The following TOGARAM2 variants were observed in gnomAD, a reference collection of about 807,000 sequenced individuals.
TOGARAM2 encodes TOG array regulator of axonemal microtubules protein 2.
TOGARAM2 carries 85 observed loss-of-function variants against 93.3 expected under a neutral mutation model. The ratio of observed to expected loss-of-function variants is 0.91; its 90% confidence interval spans 0.76 to 1.09. TOGARAM2 has a LOEUF of 1.09. Ranked by LOEUF, TOGARAM2 falls within the 50% of genes least tolerant of loss-of-function variation. The probability of loss-of-function intolerance (pLI) is 0.00; values close to 1 mark genes in which losing one functional copy is unlikely to be tolerated. For synonymous variants in TOGARAM2, 593 were observed against 552.8 expected (o/e 1.07, Z -1.02); for missense variants, 1,277 against 1,334.5 (o/e 0.96, Z 0.67).
chr2:29,045,253 G>A, intron 18 of TOGARAM2, 71 bp from the exon 19 acceptor site: 7 of 1,253,830 alleles, frequency 5.6e-6, no homozygotes, highest in Non-Finnish European at 8.0e-6. Flanking sequence ...TGGGTATGTG[G>A]CCCTGCAAAC....
chr2:29,022,007 C>T (rs1016974444), intron 10 of TOGARAM2, 151 bp from the exon 11 acceptor site: 5 of 1,001,184 alleles, frequency 5.0e-6, no homozygotes, highest in Non-Finnish European at 4.5e-6. Flanking sequence ...GGTTCTTAGC[C>T]TCACCAGGCA....
At chr2:28,961,222 C>A (rs1459501290) in intron 1 of TOGARAM2, among the ~76,000 whole-genome samples, 1 of 152,024 alleles carries the variant, frequency 6.6e-6, no homozygotes, top group Non-Finnish European at 1.5e-5. Context: ...TGCTTGGAGG[C>A]TTGGGTAGAA....
intron 1 of TOGARAM2, among the ~76,000 whole-genome samples, chr2:28,990,100 T>C (rs1312489532): frequency 6.6e-6 from 1 of 152,098 alleles, no homozygotes; most frequent in East Asian, 1.9e-4. Context: ...GTGAGATGTA[T>C]GTGTATGGTG....
intron 18 of TOGARAM2, among the ~76,000 whole-genome samples, chr2:29,037,777 T>C (rs1018573919): frequency 5.9e-5 from 9 of 152,226 alleles, no homozygotes; most frequent in African/African-American, 1.9e-4. Context: ...TTTGCTGAGT[T>C]TGTTGCTGTA....
At chr2:28,989,696 T>C (rs987844780) in intron 1 of TOGARAM2, among the ~76,000 whole-genome samples, 1 of 152,168 alleles carries the variant, frequency 6.6e-6, no homozygotes, top group African/African-American at 2.4e-5. Flanking sequence ...TGAGCCACCA[T>C]GCCCAGCCAA....
intron 6 of TOGARAM2, among the ~76,000 whole-genome samples, chr2:29,008,610 C>T (rs1664030509): frequency 1.3e-5 from 2 of 152,304 alleles, no homozygotes; most frequent in South Asian, 2.1e-4. Flanking sequence ...ACATGCACCA[C>T]CAGGCCCGGC....
At position 29,026,344 on chromosome 2, in the gene TOGARAM2, A is replaced by T. The variant is rs115059719; in HGVS notation, c.1854-509A>T. 3.7e-3 allele frequency among the ~76,000 whole-genome samples: 558 copies of T among 152,260 alleles called. 2 individuals carry two copies. Among genetic ancestry groups the T allele is most frequent in the African/African-American group, 0.013 (534 of 41,536 alleles). ...TGGAGTTACTTCCTAGTCAAGGGAGACAGATAACCTGGTCCCCGCCCACAG... is the reference window on the plus strand; with the variant it reads ...TGGAGTTACTTCCTAGTCAAGGGAGTCAGATAACCTGGTCCCCGCCCACAG... On this transcript the variant is annotated intron_variant, in intron 13 of 19. Transcript: ENST00000379558.
intron 4 of TOGARAM2, among the ~76,000 whole-genome samples, 195 bp from the exon 5 acceptor site, chr2:29,002,341 T>A (rs1673349811): frequency 3.3e-5 from 5 of 152,196 alleles, no homozygotes; most frequent in Admixed American, 2.6e-4. Context: ...GATTGGCCCT[T>A]TCTGGAATGG....
At chr2:28,980,719 C>G (rs2148232612), upstream of TOGARAM2, among the ~76,000 whole-genome samples, 1 of 152,332 alleles carries the variant, frequency 6.6e-6, no homozygotes, top group South Asian at 2.1e-4. Flanking sequence ...ACGAAGGCCA[C>G]AGGCTTTCTG....
At chr2:29,050,590 T>C (rs1266365094) in intron 19 of TOGARAM2, 1 of 152,160 alleles carries the variant, frequency 6.6e-6, no homozygotes, top group East Asian at 1.9e-4. Flanking sequence ...GGAGCTGTGA[T>C]GTGAAGCTCT....
chr2:29,025,137 C>T (rs1204915166), intron 13 of TOGARAM2, among the ~76,000 whole-genome samples: 1 of 152,150 alleles, frequency 6.6e-6, no homozygotes, highest in African/African-American at 2.4e-5. Flanking sequence ...TTAGTAATTG[C>T]ACCATAGCAT....
At chr2:28,969,966 C>T (rs1472204061) in intron 1 of TOGARAM2, among the ~76,000 whole-genome samples, 2 of 152,058 alleles carry the variant, frequency 1.3e-5, no homozygotes, top group African/African-American at 4.8e-5. Flanking sequence ...GTGCACACCA[C>T]CACGCCCGGC....
At chr2:29,032,097 A>G (rs3913043) in intron 14 of TOGARAM2, among the ~76,000 whole-genome samples, 3,840 of 152,242 alleles carry the variant, frequency 0.025, 151 homozygotes, top group African/African-American at 0.081. Flanking sequence ...TGTCTCCACC[A>G]ATCCATCCTC....
chr2:28,969,000 G>T (rs1671908699), intron 1 of TOGARAM2, among the ~76,000 whole-genome samples: 1 of 152,068 alleles, frequency 6.6e-6, no homozygotes, highest in South Asian at 2.1e-4. Flanking sequence ...GAGGCCATTG[G>T]TGCAGGCAGT....
intron 1 of TOGARAM2, among the ~76,000 whole-genome samples, chr2:28,968,229 T>A (rs772182507): frequency 2.0e-5 from 3 of 152,216 alleles, no homozygotes. Context: ...GCGATAGGTA[T>A]AAAATCACAC....
Position 28,999,329 on chromosome 2 carries a change from C to G in TOGARAM2, c.288C>G (p.Ala96=). Reference sequence around the variant, plus strand: ...ATGGTCACCCCAGGAACCTCAGGGCCTTGTCTTTGGGGGACCAGCCCCTGG... The same window carrying G: ...ATGGTCACCCCAGGAACCTCAGGGCGTTGTCTTTGGGGGACCAGCCCCTGG... ...ARNGHPRNLR[A]LSLGDQPLVL... is the part of the protein sequence containing the mutation. Residue 96 remains alanine, a synonymous_variant, in exon 4 of 20, where the codon GCC becomes GCG. Transcript: ENST00000379558. The G allele has an allele frequency of 6.2e-7, 1 of 1,613,848 alleles. No homozygotes were observed. Among genetic ancestry groups the G allele is most frequent in the Non-Finnish European group, 8.5e-7 (1 of 1,179,812 alleles).
intron 1 of TOGARAM2, among the ~76,000 whole-genome samples, chr2:28,967,858 G>A (rs916439697): frequency 7.2e-6 from 1 of 138,676 alleles, no homozygotes; most frequent in Non-Finnish European, 1.5e-5. Context: ...TATTGCCCAG[G>A]CTGGAGTGCA....
chr2:29,023,881 C>G (rs989384444), intron 12 of TOGARAM2, among the ~76,000 whole-genome samples: 1 of 152,240 alleles, frequency 6.6e-6, no homozygotes, highest in African/African-American at 2.4e-5. Flanking sequence ...ATCAGACATT[C>G]TTTGTAAAAG....
chr2:29,024,415 G>A (rs1665194507), intron 13 of TOGARAM2, 41 bp downstream of exon 13: 1 of 1,339,560 alleles, frequency 7.5e-7, no homozygotes, highest in Non-Finnish European at 9.9e-7. Context: ...GGAAGTCAGG[G>A]AAGGTAAGGC....
Sources: allele counts gnomAD v4.1 joint callset (sites outside exome capture counted in the v4.1 genomes callset), GRCh38; gene constraint gnomAD v4.1.1; transcripts MANE v1.5; gene names NCBI Gene and HGNC (gene_info 2026-07-23, HGNC 2026-07-21).